The following PUDP variants were observed in gnomAD, a reference collection of about 807,000 sequenced individuals.
PUDP encodes pseudouridine 5'-phosphatase.
In PUDP, 8 loss-of-function variants were observed where a neutral mutation model predicts 9.4. The observed-to-expected ratio is 0.85, with a 90% CI of 0.50 to 1.53. The LOEUF (loss-of-function observed/expected upper bound fraction) is 1.53. Ranked by LOEUF, PUDP falls within the 40% of genes most tolerant of loss-of-function variation. PUDP has a pLI of 0.00. For synonymous variants in PUDP, 99 were observed against 80.7 expected (o/e 1.23, Z -1.22); for missense variants, 188 against 189.7 (o/e 0.99, Z 0.05).
At chrX:7,033,134 C>A (rs1215925101) in intron 1 of PUDP, among the ~76,000 whole-genome samples, 1 of 111,613 alleles carries the variant, frequency 9.0e-6, no homozygotes, top group East Asian at 2.8e-4. Flanking sequence ...ATGCTTCCTG[C>A]CCTCAAAAAT....
chrX:6,855,491 G>C (rs997665599), intron 3 of PUDP, among the ~76,000 whole-genome samples: 15 of 111,283 alleles, frequency 1.3e-4, no homozygotes, highest in African/African-American at 4.9e-4. Context: ...TCCCTTCCCT[G>C]TCTTAGATGT....
chrX:6,737,313 C>A (rs746751234), intron 3 of PUDP, among the ~76,000 whole-genome samples: 2 of 111,841 alleles, frequency 1.8e-5, no homozygotes, highest in Non-Finnish European at 3.8e-5. Flanking sequence ...TAAAGCAGCC[C>A]GAGAAAGCAA....
intron 1 of PUDP, among the ~76,000 whole-genome samples, chrX:7,004,555 A>C (rs1418024787): frequency 2.7e-5 from 3 of 112,428 alleles, no homozygotes; most frequent in African/African-American, 9.7e-5. Flanking sequence ...ATGTACCACA[A>C]CATAAAGATC....
intron 3 of PUDP, among the ~76,000 whole-genome samples, chrX:6,759,203 A>C (rs928887456): frequency 4.5e-4 from 51 of 112,349 alleles, no homozygotes; most frequent in African/African-American, 1.6e-3. Context: ...TGGGTCATCA[A>C]TCTGATTTCT....
rs187808864 is a variant in PUDP, at chrX:6,727,469, T to C, written c.*248-21003A>G. Among the ~76,000 whole-genome samples, 3 of 112,173 alleles carry C rather than the reference T, an allele frequency of 2.7e-5. No individual in the cohort carries two copies. The East Asian group carries it at 8.4e-4, about 31-fold the overall frequency. ...AAATCTAACATGTTGTTAAGGATCT[T>C]GACTTCAAAGAAGGCAAATTTCCCC... On this transcript the variant is annotated intron_variant and NMD_transcript_variant, in intron 3 of 3. Coordinates refer to the PUDP transcript ENST00000655425.
intron 3 of PUDP, among the ~76,000 whole-genome samples, chrX:6,819,740 C>A (rs150579369): frequency 9.0e-6 from 1 of 111,644 alleles, no homozygotes; most frequent in Non-Finnish European, 1.9e-5. Flanking sequence ...TTTCCTTTTG[C>A]CACTGATATT....
At chrX:6,901,028 G>A (rs1375931604) in intron 3 of PUDP, among the ~76,000 whole-genome samples, 2 of 110,886 alleles carry the variant, frequency 1.8e-5, no homozygotes, top group Non-Finnish European at 3.8e-5. Context: ...CGCCCGCCTC[G>A]GCCTCCAAAA....
chrX:7,001,868 A>G (rs1275698819), intron 1 of PUDP, among the ~76,000 whole-genome samples: 1 of 112,029 alleles, frequency 8.9e-6, no homozygotes, highest in Non-Finnish European at 1.9e-5. Context: ...ACTTCACAAG[A>G]CAATTTAGGG....
chrX:7,119,943 G>A (rs1373484011), intron 1 of PUDP, among the ~76,000 whole-genome samples: 1 of 111,863 alleles, frequency 8.9e-6, no homozygotes, highest in Non-Finnish European at 1.9e-5. Flanking sequence ...CAAAGAGCAA[G>A]GGTCGTACGA....
intron 3 of PUDP, among the ~76,000 whole-genome samples, chrX:6,835,863 C>T (rs1926573148): frequency 1.0e-5 from 1 of 99,275 alleles, no homozygotes; most frequent in African/African-American, 3.9e-5. Flanking sequence ...CAGGTGTGCA[C>T]TGCCACTGGC....
At chrX:7,123,059 A>G (rs1473848397) in intron 1 of PUDP, among the ~76,000 whole-genome samples, 1 of 112,116 alleles carries the variant, frequency 8.9e-6, no homozygotes, top group Non-Finnish European at 1.9e-5. Flanking sequence ...TTCTTTCTAA[A>G]TCGTGCTAAG....
intron 1 of PUDP, among the ~76,000 whole-genome samples, chrX:6,707,076 A>G (rs1045717891): frequency 2.7e-5 from 3 of 111,888 alleles, no homozygotes; most frequent in African/African-American, 6.5e-5. Context: ...TAAAATATCT[A>G]TGATTTTCTC....
chrX:7,035,661 T>C (rs1262805852), intron 1 of PUDP, among the ~76,000 whole-genome samples: 2 of 112,151 alleles, frequency 1.8e-5, no homozygotes, highest in African/African-American at 6.5e-5. Context: ...TACTCATTTG[T>C]TTTCTTCATG....
chrX:6,991,950 C>T (rs1929185315), intron 1 of PUDP, among the ~76,000 whole-genome samples: 1 of 111,297 alleles, frequency 9.0e-6, no homozygotes, highest in South Asian at 3.7e-4. Flanking sequence ...CTGTAACAAA[C>T]ATAAAGAAAG....
intron 3 of PUDP, among the ~76,000 whole-genome samples, chrX:6,791,361 T>C (rs1420891956): frequency 1.9e-5 from 2 of 106,343 alleles, no homozygotes; most frequent in Non-Finnish European, 3.9e-5. Flanking sequence ...AAAAATAATA[T>C]ATATGTGAAA....
intron 3 of PUDP, among the ~76,000 whole-genome samples, chrX:6,752,608 G>T (rs1210160421): frequency 9.0e-6 from 1 of 111,644 alleles, no homozygotes; most frequent in Non-Finnish European, 1.9e-5. Flanking sequence ...GTACAGGAAG[G>T]AGTTTATAGA....
At chrX:6,827,425 TA>T (rs1926441041) in intron 3 of PUDP, among the ~76,000 whole-genome samples, 1 of 111,784 alleles carries the variant, frequency 8.9e-6, no homozygotes, top group African/African-American at 3.3e-5. Context: ...TAGAGGATTC[TA>T]TTGGTTATTT....
chrX:7,130,121 C>A (rs975007862), intron 1 of PUDP, among the ~76,000 whole-genome samples: 1 of 111,435 alleles, frequency 9.0e-6, no homozygotes, highest in African/African-American at 3.3e-5. Context: ...GAGGACTGGG[C>A]CCTCTACTTC....
intron 3 of PUDP, among the ~76,000 whole-genome samples, chrX:7,063,416 T>A (rs886490895): frequency 1.8e-5 from 2 of 111,517 alleles, no homozygotes; most frequent in African/African-American, 6.5e-5. Context: ...GATGTTACTA[T>A]CACTTTTGGG....
Sources: allele counts gnomAD v4.1 joint callset (sites outside exome capture counted in the v4.1 genomes callset), GRCh38; gene constraint gnomAD v4.1.1; transcripts MANE v1.5; gene names NCBI Gene and HGNC (gene_info 2026-07-23, HGNC 2026-07-21).